The following CTNNA2 variants were observed in gnomAD, a reference collection of about 807,000 sequenced individuals.
The protein encoded by CTNNA2 is catenin alpha 2.
Under a neutral mutation model 101.0 loss-of-function variants are expected in CTNNA2, and 42 were observed. The observed-to-expected ratio is 0.42, with a 90% confidence interval of 0.32 to 0.54. The LOEUF (loss-of-function observed/expected upper bound fraction) is 0.54. CTNNA2 is among the 20% of genes least tolerant of loss of function. The pLI, the probability that CTNNA2 is intolerant of heterozygous loss-of-function variation, is 0.14. For synonymous variants in CTNNA2, 450 were observed against 456.4 expected (o/e 0.99, Z 0.18); for missense variants, 871 against 1,223.1 (o/e 0.71, Z 4.29).
chr2:79,614,521 A>G (rs1678493539), intron 1 of CTNNA2, among the ~76,000 whole-genome samples: 1 of 152,148 alleles, frequency 6.6e-6, no homozygotes, highest in African/African-American at 2.4e-5. Flanking sequence ...AATTATGAAA[A>G]TGAAATAGGC....
chr2:79,947,065 T>G (rs959598872), intron 7 of CTNNA2, among the ~76,000 whole-genome samples: 3 of 152,214 alleles, frequency 2.0e-5, no homozygotes, highest in African/African-American at 7.2e-5. Flanking sequence ...TTCACAGTGG[T>G]TATATTATCT....
At chr2:80,417,741 A>G (rs1181544631) in intron 8 of CTNNA2, among the ~76,000 whole-genome samples, 1 of 151,904 alleles carries the variant, frequency 6.6e-6, no homozygotes, top group East Asian at 1.9e-4. Flanking sequence ...AATCTATTTT[A>G]TAAGCATATC....
chr2:79,727,820 A>T (rs1686948531), intron 2 of CTNNA2, among the ~76,000 whole-genome samples: 1 of 146,720 alleles, frequency 6.8e-6, no homozygotes, highest in East Asian at 2.0e-4. Flanking sequence ...GAGTGAGAAT[A>T]TGCAGTGTTT....
At chr2:79,757,792 TACTC>T (rs1168665063) in intron 3 of CTNNA2, among the ~76,000 whole-genome samples, 1 of 152,212 alleles carries the variant, frequency 6.6e-6, no homozygotes, top group African/African-American at 2.4e-5. Flanking sequence ...GAAAATTATT[TACTC>T]ACTCTGTGCC....
intron 2 of CTNNA2, among the ~76,000 whole-genome samples, chr2:79,706,914 C>T (rs1685419431): frequency 6.6e-6 from 1 of 152,176 alleles, no homozygotes; most frequent in East Asian, 1.9e-4. Flanking sequence ...ATGCTGCTTA[C>T]CTGATCTGGT....
intron 1 of CTNNA2, among the ~76,000 whole-genome samples, chr2:79,644,808 A>G (rs1036047341): frequency 4.6e-5 from 7 of 152,050 alleles, no homozygotes; most frequent in African/African-American, 1.7e-4. Context: ...CTCATTCTCC[A>G]GAAATGGCTG....
chr2:80,093,217 A>T (rs1210098320), intron 7 of CTNNA2, among the ~76,000 whole-genome samples: 1 of 151,612 alleles, frequency 6.6e-6, no homozygotes, highest in African/African-American at 2.4e-5. Flanking sequence ...ATGTGTTCTC[A>T]TTGTTCAATT....
chr2:79,562,820 A>C (rs1456779530), intron 1 of CTNNA2, among the ~76,000 whole-genome samples: 1 of 151,970 alleles, frequency 6.6e-6, no homozygotes, highest in East Asian at 1.9e-4. Context: ...GAATACATCT[A>C]GATAAATTGG....
chr2:79,190,530 A>G (rs1486851727), intron 1 of CTNNA2, among the ~76,000 whole-genome samples: 7 of 152,036 alleles, frequency 4.6e-5, no homozygotes, highest in Admixed American at 6.6e-5. Flanking sequence ...TTCCTTTTCA[A>G]TAATTGTCAT....
chr2:79,956,843 G>GTTTTTTTTTTTTTTTTTTTTTTTTT (rs66471325), intron 7 of CTNNA2, among the ~76,000 whole-genome samples: 1 of 98,936 alleles, frequency 1.0e-5, no homozygotes, highest in African/African-American at 4.7e-5. Context: ...ATACGTGTGG[G>GTTTTTTTTTTTTTTTTTTTTTTTTT]TTTTTTTTTT....
chr2:79,642,816 A>G (rs1157914045), intron 1 of CTNNA2, among the ~76,000 whole-genome samples: 1 of 150,622 alleles, frequency 6.6e-6, no homozygotes, highest in East Asian at 1.9e-4. Flanking sequence ...CCTATCTGTG[A>G]TACATACACA....
At chr2:79,471,860 T>C (rs1267367777) in intron 4 of CTNNA2, among the ~76,000 whole-genome samples, 1 of 151,986 alleles carries the variant, frequency 6.6e-6, no homozygotes, top group African/African-American at 2.4e-5. Flanking sequence ...AAAAAGATTT[T>C]AACATATCAG....
chr2:80,624,299 C>T (rs1671444965), intron 18 of CTNNA2, among the ~76,000 whole-genome samples: 1 of 151,916 alleles, frequency 6.6e-6, no homozygotes, highest in Non-Finnish European at 1.5e-5. Context: ...AACTTTCATG[C>T]CCATGCAGTA....
At chr2:79,587,369 C>T (rs750672537) in intron 1 of CTNNA2, among the ~76,000 whole-genome samples, 3 of 152,196 alleles carry the variant, frequency 2.0e-5, no homozygotes, top group Non-Finnish European at 2.9e-5. Context: ...CGAGAAGTTA[C>T]GTAACATGCC....
intron 11 of CTNNA2, among the ~76,000 whole-genome samples, chr2:80,548,474 C>G (rs1271093222): frequency 6.6e-6 from 1 of 152,142 alleles, no homozygotes; most frequent in South Asian, 2.1e-4. Flanking sequence ...TTTCCTCCCC[C>G]GAGCCCTGCC....
chr2:79,922,171 G>C (rs1419918036), intron 7 of CTNNA2, among the ~76,000 whole-genome samples: 2 of 152,010 alleles, frequency 1.3e-5, no homozygotes, highest in East Asian at 3.9e-4. Context: ...TCTCTTCACT[G>C]TCTAAATTAT....
chr2:79,988,418 G>A lies in CTNNA2; in HGVS notation c.1056+78621G>A, dbSNP rs530782509. Among the ~76,000 whole-genome samples the A allele has an allele frequency of 2.6e-4, 39 of 151,674 alleles. No individual in the cohort carries two copies. The South Asian group carries it at 6.5e-3, about 25-fold the overall frequency. ...ATGGCCACATCAGAAAAAAGAAATG[G>A]TAGAGTTAGTGTTCTTTGTGTTGCT... On this transcript the variant is annotated intron_variant, in intron 7 of 18. Transcript: ENST00000402739.
At chr2:80,139,961 G>A (rs1018777262) in intron 7 of CTNNA2, among the ~76,000 whole-genome samples, 6 of 152,118 alleles carry the variant, frequency 3.9e-5, no homozygotes, top group African/African-American at 1.4e-4. Flanking sequence ...CTTCTCACTG[G>A]GGGTTGAGAC....
At chr2:79,325,041 C>T (rs1676714306) in intron 3 of CTNNA2, among the ~76,000 whole-genome samples, 1 of 152,134 alleles carries the variant, frequency 6.6e-6, no homozygotes. Context: ...CTTTACAAAG[C>T]TATCTTCTGA....
Sources: gnomAD v4.1 joint callset for allele counts (sites outside exome capture counted in the v4.1 genomes callset) on GRCh38, gnomAD v4.1.1 for gene constraint, MANE v1.5 for transcripts, NCBI Gene and HGNC (gene_info 2026-07-23, HGNC 2026-07-21) for gene names.